Variants in FRMPD2 observed in about 807,000 individuals in gnomAD.
FRMPD2 encodes the protein FERM and PDZ domain-containing protein 2.
In FRMPD2, 96 loss-of-function variants were observed where a neutral mutation model predicts 140.1. The observed-to-expected ratio is 0.69, with a 90% CI of 0.58 to 0.81. The LOEUF (loss-of-function observed/expected upper bound fraction) is 0.81. Ranked by LOEUF, FRMPD2 falls within the 40% of genes least tolerant of loss-of-function variation. The pLI is 0.00. For synonymous variants in FRMPD2, 449 were observed against 547.6 expected (o/e 0.82, Z 2.52); for missense variants, 1,240 against 1,447.4 (o/e 0.86, Z 2.32).
At chr10:48,202,525 C>T (rs941711542) in intron 14 of FRMPD2, among the ~76,000 whole-genome samples, 4 of 152,288 alleles carry the variant, frequency 2.6e-5, no homozygotes, top group South Asian at 2.1e-4. Context: ...AGTGCTAAGC[C>T]TCCTTGTGCT....
chr10:48,226,624 C>T (rs2131913142), intron 10 of FRMPD2, among the ~76,000 whole-genome samples: 1 of 152,326 alleles, frequency 6.6e-6, no homozygotes, highest in Middle Eastern at 3.4e-3. Context: ...TCCTCCCTCT[C>T]CTGGAAGGAA....
chr10:48,242,474 T>C (rs1024340308), intron 4 of FRMPD2, 122 bp from the exon 5 acceptor site: 3 of 757,746 alleles, frequency 4.0e-6, no homozygotes, highest in African/African-American at 1.8e-5. Context: ...CCAGAGCAGA[T>C]GCCTGCCCCT....
intron 4 of FRMPD2, among the ~76,000 whole-genome samples, chr10:48,243,576 G>C (rs1475102850): frequency 3.3e-5 from 5 of 152,212 alleles, no homozygotes; most frequent in Non-Finnish European, 7.3e-5. Flanking sequence ...CACCCAGGAA[G>C]CCGGTCCTGA....
chr10:48,273,970 A>G (rs555569027), intron 1 of FRMPD2, among the ~76,000 whole-genome samples: 1 of 152,258 alleles, frequency 6.6e-6, no homozygotes, highest in East Asian at 1.9e-4. Flanking sequence ...AGCCAGGTGA[A>G]TCATTTCTTT....
At chr10:48,245,422 A>C (rs1478244673) in intron 3 of FRMPD2, among the ~76,000 whole-genome samples, 2 of 152,246 alleles carry the variant, frequency 1.3e-5, no homozygotes, top group Non-Finnish European at 2.9e-5. Flanking sequence ...GCCTGATTAC[A>C]AAGCACCATA....
At position 48,232,194 on chromosome 10, in the gene FRMPD2, T is replaced by C; in HGVS notation, c.1089A>G (p.Thr363=). ...HLEVKCDVES[T]VGAVFNAVTS... ...TCACGGCATTGAAGACAGCTCCCAC[T>C]GTTGATTCAACATCACATTTTACCT... Residue 363 remains threonine, a synonymous_variant, in exon 10 of 29, where the codon ACA becomes ACG. Coordinates refer to ENST00000374201, the MANE Select transcript of FRMPD2 (RefSeq NM_001018071.4). The C allele has an allele frequency of 1.2e-6, 2 of 1,614,230 alleles. No homozygotes were observed. Among genetic ancestry groups the C allele is most frequent in the Non-Finnish European group, 8.5e-7 (1 of 1,180,034 alleles).
chr10:48,213,206 C>A (rs1366353678), intron 12 of FRMPD2, among the ~76,000 whole-genome samples: 1 of 152,172 alleles, frequency 6.6e-6, no homozygotes, highest in Non-Finnish European at 1.5e-5. Flanking sequence ...CAGGTTGGTG[C>A]TGGCCCATGC....
chr10:48,203,158 T>C (rs1022767007), intron 14 of FRMPD2, among the ~76,000 whole-genome samples: 4 of 152,150 alleles, frequency 2.6e-5, no homozygotes, highest in Admixed American at 6.5e-5. Context: ...GGGAGAATCA[T>C]TCACACACCC....
intron 2 of FRMPD2, among the ~76,000 whole-genome samples, chr10:48,250,747 T>C (rs893743801): frequency 6.6e-6 from 1 of 151,630 alleles, no homozygotes; most frequent in Non-Finnish European, 1.5e-5. Context: ...CACTGTTTAG[T>C]AATTCTTTCT....
At chr10:48,220,477 T>C (rs1182761340) in intron 12 of FRMPD2, among the ~76,000 whole-genome samples, 2 of 152,040 alleles carry the variant, frequency 1.3e-5, no homozygotes, top group Non-Finnish European at 2.9e-5. Flanking sequence ...CCTGAAAACA[T>C]AAAAATTTGA....
At chr10:48,235,577 GGAGCCTGGGAGGGGA>G (rs1203228449) in intron 9 of FRMPD2, among the ~76,000 whole-genome samples, 3 of 152,200 alleles carry the variant, frequency 2.0e-5, no homozygotes, top group Non-Finnish European at 4.4e-5. Context: ...GGGCGATGCA[GGAGCCTGGGAGGGGA>G]GAGCCTCTAG....
At chr10:48,186,785 T>C (rs969158087) in intron 17 of FRMPD2, among the ~76,000 whole-genome samples, 2 of 152,242 alleles carry the variant, frequency 1.3e-5, no homozygotes, top group Non-Finnish European at 2.9e-5. Flanking sequence ...TGTCCTCACA[T>C]TCAACAGGGA....
chr10:48,269,134 G>T (rs1276688776), intron 1 of FRMPD2, among the ~76,000 whole-genome samples: 2 of 152,140 alleles, frequency 1.3e-5, no homozygotes, highest in African/African-American at 4.8e-5. Context: ...GAAAAGATTT[G>T]CTGTGTTTCT....
rs774866262 is a variant in FRMPD2 at position 48,192,840 on chromosome 10, G to C, written c.2009C>G (p.Ser670Cys). 6.2e-7 allele frequency: 1 copy of C among 1,614,152 alleles called. No individual in the cohort carries two copies. Among genetic ancestry groups the C allele is most frequent in the East Asian group, 2.2e-5 (1 of 44,884 alleles). ...TCTCTGAATCCAAATGAGAGGCTTAGACCGGGCCTGGTGTGCAGGACTCAA... is the reference window on the plus strand; with the variant it reads ...TCTCTGAATCCAAATGAGAGGCTTACACCGGGCCTGGTGTGCAGGACTCAA... ...ANLSPAHQAR[S>C]KPLIWIQRLS... Residue 670 changes from serine to cysteine, a missense_variant, in exon 16 of 29, where the codon TCT (serine) becomes TGT (cysteine). Coordinates refer to ENST00000374201, the MANE Select transcript of FRMPD2 (RefSeq NM_001018071.4).
chr10:48,235,554 A>G (rs1839948066), intron 9 of FRMPD2, among the ~76,000 whole-genome samples: 1 of 152,204 alleles, frequency 6.6e-6, no homozygotes, highest in South Asian at 2.1e-4. Flanking sequence ...TCAGGGCAGG[A>G]AGGACAAGTG....
chr10:48,252,566 T>C (rs1840409698), intron 1 of FRMPD2, among the ~76,000 whole-genome samples: 1 of 152,154 alleles, frequency 6.6e-6, no homozygotes, highest in African/African-American at 2.4e-5. Context: ...ATCCAAGATC[T>C]ACTCCCCAGC....
At chr10:48,272,058 G>A (rs1007665755) in intron 1 of FRMPD2, among the ~76,000 whole-genome samples, 2 of 152,330 alleles carry the variant, frequency 1.3e-5, no homozygotes, top group South Asian at 4.1e-4. Flanking sequence ...AGGTAGCATT[G>A]TCCTGGGCTG....
intron 4 of FRMPD2, among the ~76,000 whole-genome samples, chr10:48,244,102 A>G (rs983030376): frequency 6.6e-6 from 1 of 152,164 alleles, no homozygotes; most frequent in African/African-American, 2.4e-5. Flanking sequence ...CTCATGCCTC[A>G]GCCTCCCAAG....
intron 2 of FRMPD2, among the ~76,000 whole-genome samples, chr10:48,251,232 C>G (rs1486407145): frequency 6.6e-6 from 1 of 152,188 alleles, no homozygotes; most frequent in Non-Finnish European, 1.5e-5. Context: ...CTGTTAGACA[C>G]CCATAGCACT....
Sources: gnomAD v4.1 joint callset for allele counts (sites outside exome capture counted in the v4.1 genomes callset) on GRCh38, gnomAD v4.1.1 for gene constraint, MANE v1.5 for transcripts, NCBI Gene and HGNC (gene_info 2026-07-23, HGNC 2026-07-21) for gene names.